Variants in COL4A2 observed in about 807,000 individuals in gnomAD.
The protein encoded by COL4A2 is collagen type IV alpha 2 chain.
A neutral mutation model predicts 200.2 loss-of-function variants in COL4A2; 99 were observed. The ratio of observed to expected loss-of-function variants is 0.49; its 90% CI spans 0.42 to 0.58. COL4A2 has a LOEUF of 0.58. Among genes scored for constraint, COL4A2 ranks in the 20% least tolerant of loss-of-function variants. The pLI, the probability that COL4A2 is intolerant of heterozygous loss-of-function variation, is 0.00. For synonymous variants in COL4A2, 897 were observed against 900.6 expected (o/e 1.00, Z 0.07); for missense variants, 1,950 against 2,314.1 (o/e 0.84, Z 3.23).
At chr13:110,397,647 T>C (rs1022323379) in intron 4 of COL4A2, among the ~76,000 whole-genome samples, 4 of 152,176 alleles carry the variant, frequency 2.6e-5, no homozygotes, top group African/African-American at 9.7e-5. Flanking sequence ...GCAGAAGGAA[T>C]AATGGATCAT....
intron 10 of COL4A2, chr13:110,430,976 G>A: frequency 2.2e-6 from 1 of 448,594 alleles, no homozygotes; most frequent in South Asian, 1.7e-5. Flanking sequence ...GTCTGCCTGT[G>A]CCACACCCAT....
rs866316171 is a variant in COL4A2 at position 110,430,098 on chromosome 13, A to G, written c.549+142A>G. 8.3e-6 allele frequency: 7 copies of G among 843,274 alleles called. 1 individual carries two copies. In the Middle Eastern group the frequency reaches 1.2e-3, roughly 139 times the overall value. 52.2% of individuals were successfully genotyped at this position (843,274 alleles called of 1,614,324 possible). A position where few individuals can be genotyped will look rare whatever the true frequency, so the allele number is the denominator to read the frequency against. On this transcript the variant is annotated intron_variant, in intron 8 of 47. Transcript: ENST00000360467. Reference sequence around the variant, plus strand: ...AGAATGGCGGCATAATCTAAAAGTCATCTTACTTCCGATCAGGATGTTTTC... The same window carrying G: ...AGAATGGCGGCATAATCTAAAAGTCGTCTTACTTCCGATCAGGATGTTTTC...
intron 3 of COL4A2, among the ~76,000 whole-genome samples, chr13:110,310,073 GTACTCTGAAGAA>G: frequency 6.6e-6 from 1 of 152,300 alleles, no homozygotes; most frequent in African/African-American, 2.4e-5. Flanking sequence ...CCCAGTTTCC[GTACTCTGAAGAA>G]TTACGGCTTC....
chr13:110,449,082 C>T (rs1029831446), intron 18 of COL4A2, among the ~76,000 whole-genome samples: 11 of 152,234 alleles, frequency 7.2e-5, no homozygotes, highest in African/African-American at 2.4e-4. Flanking sequence ...TAAGGAACTT[C>T]GTAAGACGAC....
chr13:110,357,547 G>A lies in COL4A2; in HGVS notation c.175G>A (p.Gly59Arg). ...GGCQCYPEKG[G>R]RGQPGPVGPQ... is the part of the protein sequence containing the mutation. ...CTGCCAGTGCTACCCTGAGAAAGGTGGACGTGTAAGTCACAGCATTGCAAT... is the reference window on the plus strand; with the variant it reads ...CTGCCAGTGCTACCCTGAGAAAGGTAGACGTGTAAGTCACAGCATTGCAAT... The change falls in exon 4 of 48, where the codon GGA becomes AGA. Residue 59 changes from glycine to arginine, a missense_variant. Gly to Arg is a moderately radical substitution (Grantham distance 125). Transcript: ENST00000360467. 2.5e-6 allele frequency: 4 copies of A among 1,580,210 alleles called. No individual in the cohort carries two copies. Among genetic ancestry groups the A allele is most frequent in the Non-Finnish European group, 3.4e-6 (4 of 1,160,478 alleles).
intron 4 of COL4A2, among the ~76,000 whole-genome samples, chr13:110,382,251 A>G (rs1266168511): frequency 6.6e-6 from 1 of 152,242 alleles, no homozygotes; most frequent in Admixed American, 6.5e-5. Flanking sequence ...TTTTTCTCAT[A>G]AACAGCTGCA....
At chr13:110,308,816 C>T (rs563426822) in intron 3 of COL4A2, among the ~76,000 whole-genome samples, 23 of 152,172 alleles carry the variant, frequency 1.5e-4, no homozygotes, top group South Asian at 4.1e-4. Context: ...CCATTTTATA[C>T]GTTTTGTTTA....
Position 110,457,359 on chromosome 13 carries a change from GA to G in COL4A2, c.1359del (p.Gly454GlufsTer117). The G allele has an allele frequency of 6.2e-7, 1 of 1,612,834 alleles. No individual in the cohort carries two copies. The highest frequency in any genetic ancestry group is 8.5e-7 in the Non-Finnish European group (1 of 1,178,986). ...TCTCTCTAGGCTTCCTGTTTGGGCT[GA>G]AAGGAGCAAAAGGAAGAGCAGGCTT... ...PGPDGFLFGL[K>X]GAKGRAGFPG... On this transcript the variant is annotated frameshift_variant, in exon 21 of 48. Transcript: ENST00000360467. LOFTEE classifies it high-confidence loss of function.
intron 4 of COL4A2, among the ~76,000 whole-genome samples, chr13:110,401,612 G>T (rs1927343): frequency 0.59 from 89,565 of 152,118 alleles, 26,969 homozygotes; most frequent in Non-Finnish European, 0.66. Context: ...CACAGTCAGC[G>T]CAAGATAAGT....
chr13:110,347,011 C>A (rs1364012833), intron 3 of COL4A2, among the ~76,000 whole-genome samples: 1 of 152,234 alleles, frequency 6.6e-6, no homozygotes, highest in Admixed American at 6.5e-5. Context: ...CCCGTGTGCA[C>A]ACCTGCCTTC....
At chr13:110,319,751 G>GT (rs1221341003) in intron 3 of COL4A2, among the ~76,000 whole-genome samples, 3 of 152,276 alleles carry the variant, frequency 2.0e-5, no homozygotes, top group Non-Finnish European at 4.4e-5. Context: ...GGGACCTGAG[G>GT]TGATCTCCTG....
chr13:110,505,156 C>T (rs999683201), intron 45 of COL4A2, among the ~76,000 whole-genome samples: 6 of 151,530 alleles, frequency 4.0e-5, no homozygotes, highest in East Asian at 2.0e-4. Flanking sequence ...CGAGACCATC[C>T]TGGCTAACAC....
chr13:110,417,103 C>G (rs528023217), intron 4 of COL4A2, among the ~76,000 whole-genome samples: 1 of 152,098 alleles, frequency 6.6e-6, no homozygotes, highest in African/African-American at 2.4e-5. Context: ...GCCTCAACCT[C>G]CCGAGTAGCT....
chr13:110,389,164 C>T (rs529406766), intron 4 of COL4A2, among the ~76,000 whole-genome samples: 19 of 152,284 alleles, frequency 1.2e-4, no homozygotes, highest in Non-Finnish European at 2.2e-4. Flanking sequence ...TAGCCCAGCC[C>T]GTGAATGAGT....
chr13:110,505,099 C>A (rs781465587), intron 45 of COL4A2, among the ~76,000 whole-genome samples: 1 of 151,756 alleles, frequency 6.6e-6, no homozygotes, highest in Non-Finnish European at 1.5e-5. Flanking sequence ...GCCTGTAATC[C>A]CAGCACTTTG....
At chr13:110,329,051 T>G (rs750311178) in intron 3 of COL4A2, among the ~76,000 whole-genome samples, 1 of 152,210 alleles carries the variant, frequency 6.6e-6, no homozygotes, top group African/African-American at 2.4e-5. Flanking sequence ...AAATAAATTC[T>G]TCTTCTATTT....
intron 26 of COL4A2, among the ~76,000 whole-genome samples, chr13:110,466,654 C>T (rs1882251348): frequency 6.6e-6 from 1 of 152,172 alleles, no homozygotes; most frequent in African/African-American, 2.4e-5. Flanking sequence ...ATTTTGAAAT[C>T]GCAGGCTATC....
chr13:110,325,948 T>G (rs973911284), intron 3 of COL4A2, among the ~76,000 whole-genome samples: 1 of 152,098 alleles, frequency 6.6e-6, no homozygotes, highest in Non-Finnish European at 1.5e-5. Flanking sequence ...CAGGCCGGGC[T>G]AATTTTTTGG....
intron 34 of COL4A2, among the ~76,000 whole-genome samples, chr13:110,488,003 C>T (rs560402907): frequency 1.4e-4 from 21 of 152,242 alleles, no homozygotes; most frequent in South Asian, 1.0e-3. Flanking sequence ...CCTCCCCCTT[C>T]CTCCCACAAA....
Sources: allele counts gnomAD v4.1 joint callset (sites outside exome capture counted in the v4.1 genomes callset), GRCh38; gene constraint gnomAD v4.1.1; transcripts MANE v1.5; gene names NCBI Gene and HGNC (gene_info 2026-07-23, HGNC 2026-07-21).